Variants in FBXL7 observed in about 807,000 individuals in gnomAD.
FBXL7 encodes the protein F-box and leucine rich repeat protein 7.
In FBXL7, 12 loss-of-function variants were observed where a neutral mutation model predicts 38.3. The observed-to-expected ratio is 0.31, with a 90% confidence interval of 0.20 to 0.51. FBXL7 has a LOEUF of 0.51. Ranked by LOEUF, FBXL7 falls within the 20% of genes least tolerant of loss-of-function variation. The pLI is 0.98. For synonymous variants in FBXL7, 297 were observed against 300.9 expected (o/e 0.99, Z 0.13); for missense variants, 567 against 676.4 (o/e 0.84, Z 1.79).
intron 2 of FBXL7, among the ~76,000 whole-genome samples, chr5:15,740,792 G>T (rs1454353481): frequency 6.6e-6 from 1 of 152,158 alleles, no homozygotes; most frequent in Admixed American, 6.5e-5. Flanking sequence ...ATAGAAAAAT[G>T]AAAACACAAC....
At chr5:15,645,049 C>G in intron 2 of FBXL7, among the ~76,000 whole-genome samples, 1 of 152,152 alleles carries the variant, frequency 6.6e-6, no homozygotes, top group Admixed American at 6.5e-5. Context: ...TAATATGGGC[C>G]AGGCAGTTTT....
At chr5:15,875,552 T>C (rs1740164169) in intron 2 of FBXL7, among the ~76,000 whole-genome samples, 2 of 151,760 alleles carry the variant, frequency 1.3e-5, no homozygotes. Flanking sequence ...TAAGCAAATT[T>C]ACAAGAAAAA....
At chr5:15,646,913 G>A (rs1741548976) in intron 2 of FBXL7, among the ~76,000 whole-genome samples, 1 of 152,180 alleles carries the variant, frequency 6.6e-6, no homozygotes, top group Admixed American at 6.5e-5. Flanking sequence ...ACTTTTTGAA[G>A]AAGTAGACTG....
chr5:15,597,209 C>T (rs1739649714), intron 1 of FBXL7, among the ~76,000 whole-genome samples: 1 of 152,090 alleles, frequency 6.6e-6, no homozygotes, highest in Admixed American at 6.5e-5. Context: ...TGCTTGCTTG[C>T]TTGTTGGTGG....
intron 2 of FBXL7, among the ~76,000 whole-genome samples, chr5:15,674,647 C>T (rs1033614725): frequency 1.5e-4 from 23 of 152,236 alleles, no homozygotes; most frequent in African/African-American, 5.1e-4. Flanking sequence ...TAAAAAAACA[C>T]GGAGACAATT....
chr5:15,893,115 CAAAAA>C (rs931760815), intron 2 of FBXL7, among the ~76,000 whole-genome samples: 2 of 71,618 alleles, frequency 2.8e-5, no homozygotes, highest in Non-Finnish European at 6.0e-5. Context: ...GACTCTGTCT[CAAAAA>C]AAAAAAAAAA....
At chr5:15,819,836 A>G (rs1241285101) in intron 2 of FBXL7, among the ~76,000 whole-genome samples, 1 of 152,164 alleles carries the variant, frequency 6.6e-6, no homozygotes, top group African/African-American at 2.4e-5. Context: ...TTCAGAGAGA[A>G]TAGCTACTTC....
intron 2 of FBXL7, among the ~76,000 whole-genome samples, chr5:15,763,793 A>G (rs1473138095): frequency 6.6e-6 from 1 of 152,236 alleles, no homozygotes. Flanking sequence ...AGAACCAATA[A>G]AAAACATACA....
chr5:15,547,603 A>C lies in FBXL7; in HGVS notation c.37+46890A>C, dbSNP rs780660630. On this transcript the variant is annotated intron_variant, in intron 1 of 3. Transcript: ENST00000504595. ...CCAGAAAGGGGCCTGGGCTGAATAG[A>C]GTCTCATCTGCACACACTCCACTTC... Among the ~76,000 whole-genome samples the C allele has an allele frequency of 5.9e-5, 9 of 152,222 alleles. No individual in the cohort carries two copies. The South Asian group carries it at 1.9e-3, about 32-fold the overall frequency.
In FBXL7 at chr5:15,724,392, C is replaced by A. The variant is rs1361023317; in HGVS notation, c.127+108320C>A. Among the ~76,000 whole-genome samples, 3 of 152,268 alleles carry A rather than the reference C, an allele frequency of 2.0e-5. No individual in the cohort carries two copies. In the East Asian group the frequency reaches 5.8e-4, roughly 29 times the overall value. On this transcript the variant is annotated intron_variant, in intron 2 of 3. Transcript: ENST00000504595. ...GAATGCACCAATTTTGTATGTATAG[C>A]ATGATAAATTTTGACATATGTTTAC...
chr5:15,791,001 G>A (rs1025626875), intron 2 of FBXL7, among the ~76,000 whole-genome samples: 1 of 146,558 alleles, frequency 6.8e-6, no homozygotes, highest in African/African-American at 2.5e-5. Context: ...TGGTAGGGTA[G>A]ACAGAGTATG....
chr5:15,878,801 A>C (rs1298516741), intron 2 of FBXL7, among the ~76,000 whole-genome samples: 1 of 152,176 alleles, frequency 6.6e-6, no homozygotes. Flanking sequence ...TAGGGTCTTC[A>C]TATATTCTTT....
At chr5:15,754,208 G>T (rs970675114) in intron 2 of FBXL7, among the ~76,000 whole-genome samples, 1 of 152,180 alleles carries the variant, frequency 6.6e-6, no homozygotes. Flanking sequence ...TATTAACATT[G>T]GGTGACTTTT....
At chr5:15,793,527 T>A (rs1248681120) in intron 2 of FBXL7, among the ~76,000 whole-genome samples, 1 of 152,196 alleles carries the variant, frequency 6.6e-6, no homozygotes, top group Non-Finnish European at 1.5e-5. Flanking sequence ...TAATTATATC[T>A]GCAAAAAACG....
At chr5:15,915,663 C>T (rs1024358047) in intron 2 of FBXL7, among the ~76,000 whole-genome samples, 3 of 152,052 alleles carry the variant, frequency 2.0e-5, no homozygotes, top group Non-Finnish European at 4.4e-5. Flanking sequence ...TTGCAGGGGA[C>T]GCAATTCAAC....
chr5:15,765,709 G>A (rs577642561), intron 2 of FBXL7, among the ~76,000 whole-genome samples: 3 of 152,262 alleles, frequency 2.0e-5, no homozygotes, highest in Admixed American at 2.0e-4. Context: ...ATAATGCCCA[G>A]TTGTGTACCA....
At chr5:15,847,782 TC>T (rs1207099361) in intron 2 of FBXL7, among the ~76,000 whole-genome samples, 2 of 152,130 alleles carry the variant, frequency 1.3e-5, no homozygotes, top group African/African-American at 2.4e-5. Flanking sequence ...AGAAAAATCC[TC>T]CTGCTGACCT....
At chr5:15,647,906 G>A (rs1044936619) in intron 2 of FBXL7, among the ~76,000 whole-genome samples, 37 of 152,340 alleles carry the variant, frequency 2.4e-4, no homozygotes, top group African/African-American at 8.7e-4. Flanking sequence ...ATTTGAAACT[G>A]GAACATCTGT....
intron 2 of FBXL7, among the ~76,000 whole-genome samples, chr5:15,871,798 A>C (rs1739977389): frequency 6.6e-6 from 1 of 152,154 alleles, no homozygotes; most frequent in South Asian, 2.1e-4. Context: ...TATGTGAAAA[A>C]ACCAACGTTT....
Sources: allele counts gnomAD v4.1 joint callset (sites outside exome capture counted in the v4.1 genomes callset), GRCh38; gene constraint gnomAD v4.1.1; transcripts MANE v1.5; gene names NCBI Gene and HGNC (gene_info 2026-07-23, HGNC 2026-07-21).